Variants in SLC4A4 observed in about 807,000 individuals in gnomAD.
SLC4A4 encodes electrogenic sodium bicarbonate cotransporter 1.
Under a neutral mutation model 111.5 loss-of-function variants are expected in SLC4A4, and 27 were observed. The ratio of observed to expected loss-of-function variants is 0.24; its 90% CI spans 0.18 to 0.33. The LOEUF is 0.33. Ranked by LOEUF, SLC4A4 falls within the 10% of genes least tolerant of loss-of-function variation. The pLI is 1.00. For synonymous variants in SLC4A4, 443 were observed against 463.4 expected, an observed-to-expected ratio of 0.96 and a Z score of 0.57; for missense variants, 909 against 1,315.5, an observed-to-expected ratio of 0.69 and a Z score of 4.78.
At chr4:71,196,437 AAT>A (rs1210393864) in intron 1 of SLC4A4, among the ~76,000 whole-genome samples, 1 of 152,170 alleles carries the variant, frequency 6.6e-6, no homozygotes, top group Non-Finnish European at 1.5e-5. Context: ...TAAGAAATGA[AAT>A]AAAAACACCA....
intron 1 of SLC4A4, among the ~76,000 whole-genome samples, chr4:71,191,499 A>G (rs1355818323): frequency 1.2e-4 from 19 of 152,234 alleles, no homozygotes; most frequent in Admixed American, 1.2e-3. Flanking sequence ...CTGGTGATAC[A>G]TGTTTGTCGA....
chr4:71,313,475 C>T (rs1171920020), intron 3 of SLC4A4, among the ~76,000 whole-genome samples: 2 of 152,168 alleles, frequency 1.3e-5, no homozygotes, highest in Non-Finnish European at 2.9e-5. Flanking sequence ...CCAAGACAAT[C>T]CCAAGCAAAA....
At chr4:71,423,197 G>A (rs901555521) in intron 7 of SLC4A4, among the ~76,000 whole-genome samples, 21 of 152,086 alleles carry the variant, frequency 1.4e-4, no homozygotes, top group Non-Finnish European at 2.8e-4. Context: ...ACCAATAACA[G>A]ACAAACAGAG....
chr4:71,233,117 T>C (rs1719559799), intron 1 of SLC4A4: 1 of 191,330 alleles, frequency 5.2e-6, no homozygotes, highest in Non-Finnish European at 9.6e-6. Flanking sequence ...TTGCCTGGAT[T>C]GCTAAGGGTA....
intron 4 of SLC4A4, among the ~76,000 whole-genome samples, chr4:71,348,548 T>C (rs1729533702): frequency 6.6e-6 from 1 of 152,114 alleles, no homozygotes; most frequent in African/African-American, 2.4e-5. Flanking sequence ...GAATTGTGGG[T>C]AAGGTTGATA....
chr4:71,097,632 C>T (rs1742596805), intron 2 of SLC4A4, among the ~76,000 whole-genome samples: 1 of 152,168 alleles, frequency 6.6e-6, no homozygotes, highest in Admixed American at 6.5e-5. Context: ...CTAATTTACA[C>T]TCCCACTAAC....
intron 17 of SLC4A4, among the ~76,000 whole-genome samples, chr4:71,532,805 G>T (rs1351032625): frequency 6.6e-6 from 1 of 152,118 alleles, no homozygotes; most frequent in East Asian, 1.9e-4. Context: ...GTAATGTCAA[G>T]ATGTGAAGTT....
chr4:71,560,657 G>C (rs1272051460), intron 23 of SLC4A4, among the ~76,000 whole-genome samples: 1 of 151,766 alleles, frequency 6.6e-6, no homozygotes. Context: ...AATGTGGATA[G>C]ATGTCAATGA....
At chr4:71,223,415 G>A (rs979407474) in intron 1 of SLC4A4, among the ~76,000 whole-genome samples, 11 of 151,852 alleles carry the variant, frequency 7.2e-5, no homozygotes, top group African/African-American at 2.4e-4. Flanking sequence ...TGCCTGCCTC[G>A]GCCTCCCAAA....
At chr4:71,443,556 A>T (rs1724966730) in intron 8 of SLC4A4, among the ~76,000 whole-genome samples, 2 of 152,154 alleles carry the variant, frequency 1.3e-5, no homozygotes, top group African/African-American at 4.8e-5. Context: ...TGGGAATAGA[A>T]CTTTAAATAG....
intron 18 of SLC4A4, among the ~76,000 whole-genome samples, chr4:71,543,953 C>T (rs1735289172): frequency 6.6e-6 from 1 of 151,966 alleles, no homozygotes. Flanking sequence ...GGAGTATATG[C>T]ATGCTATTTT....
chr4:71,417,013 C>T (rs892676781), intron 7 of SLC4A4, among the ~76,000 whole-genome samples: 8 of 152,056 alleles, frequency 5.3e-5, no homozygotes, highest in African/African-American at 1.7e-4. Flanking sequence ...TTTCTGAAGT[C>T]GACTACCACG....
intron 12 of SLC4A4, among the ~76,000 whole-genome samples, chr4:71,458,879 C>A (rs1726540757): frequency 6.6e-6 from 1 of 151,918 alleles, no homozygotes; most frequent in Non-Finnish European, 1.5e-5. Flanking sequence ...TGCATTTCCT[C>A]CTTGAAGTGA....
intron 1 of SLC4A4, among the ~76,000 whole-genome samples, chr4:71,092,163 AATGTAAAC>A (rs1374345283): frequency 6.6e-6 from 1 of 152,230 alleles, no homozygotes; most frequent in Non-Finnish European, 1.5e-5. Flanking sequence ...GATGCAAGAT[AATGTAAAC>A]ATGTAAACAG....
chr4:71,250,176 C>G (rs1163814293), intron 2 of SLC4A4, among the ~76,000 whole-genome samples: 1 of 151,892 alleles, frequency 6.6e-6, no homozygotes, highest in Non-Finnish European at 1.5e-5. Context: ...TTTGTTCTAC[C>G]TACATTCCTC....
At position 71,497,592 on chromosome 4, in the gene SLC4A4, T is replaced by C; in HGVS notation, c.2066T>C (p.Val689Ala). 1 of 1,613,682 alleles carries C rather than the reference T, an allele frequency of 6.2e-7. No individual in the cohort carries two copies. Among genetic ancestry groups the C allele is most frequent in the Non-Finnish European group, 8.5e-7 (1 of 1,179,754 alleles). ...GNLVGNNCNFVPDITLMSFIL... is the reference protein window; with the variant it reads ...GNLVGNNCNFAPDITLMSFIL... ...CTCGTCGGGAACAACTGTAATTTTG[T>C]TCCTGATATCACACTCATGTCTTTT... Residue 689 changes from valine (V) to alanine (A), a missense_variant, in exon 16 of 26, where the codon GTT becomes GCT. By Grantham distance (64) the Val-to-Ala change is moderately conservative. Transcript: ENST00000264485.
At chr4:71,204,568 G>A (rs1256709415) in intron 1 of SLC4A4, among the ~76,000 whole-genome samples, 1 of 151,984 alleles carries the variant, frequency 6.6e-6, no homozygotes, top group Non-Finnish European at 1.5e-5. Flanking sequence ...TTTTTAAAAT[G>A]GAATATTAAA....
chr4:71,111,822 G>A (rs554979590), intron 2 of SLC4A4, among the ~76,000 whole-genome samples: 2 of 151,366 alleles, frequency 1.3e-5, no homozygotes, highest in Non-Finnish European at 2.9e-5. Context: ...TCAGCCTCCC[G>A]AGTAGCTGGG....
chr4:71,111,642 C>T (rs958103473), intron 2 of SLC4A4, among the ~76,000 whole-genome samples: 2 of 147,512 alleles, frequency 1.4e-5, no homozygotes, highest in Non-Finnish European at 3.0e-5. Context: ...CCGCCTTGGC[C>T]TCCCAAAGTG....
Sources: gnomAD v4.1 joint callset for allele counts (sites outside exome capture counted in the v4.1 genomes callset) on GRCh38, gnomAD v4.1.1 for gene constraint, MANE v1.5 for transcripts, NCBI Gene and HGNC (gene_info 2026-07-23, HGNC 2026-07-21) for gene names.